The following SUCO variants were observed in gnomAD, a reference collection of about 807,000 sequenced individuals.
SUCO encodes SUN domain-containing ossification factor.
SUCO carries 57 observed loss-of-function variants against 148.1 expected under a neutral mutation model. That is an observed-to-expected ratio of 0.38 (90% CI 0.31 to 0.48). The LOEUF is 0.48. Among genes scored for constraint, SUCO ranks in the 20% least tolerant of loss-of-function variants. The pLI is 0.96. For synonymous variants in SUCO, 470 were observed against 502.7 expected, an observed-to-expected ratio of 0.93 and a Z score of 0.87; for missense variants, 1,331 against 1,468.2, an observed-to-expected ratio of 0.91 and a Z score of 1.53.
chr1:172,610,070 T>C lies in SUCO; in HGVS notation c.3576T>C (p.Ser1192=). 6.2e-7 allele frequency: 1 copy of C among 1,613,818 alleles called. No individual in the cohort carries two copies. The highest frequency in any genetic ancestry group is 1.1e-5 in the South Asian group (1 of 91,066). The part of the protein sequence containing the change: ...SACTSLCNGQ[S]QKTKTEKRAL... ...GCACAAGTCTGTGCAATGGACAGTC[T>C]CAAAAGACAAAAACTGAGAAGAGGG... is the stretch of plus-strand genomic sequence containing the variant. The change falls in exon 24 of 24, where the codon TCT becomes TCC. Residue 1192 remains serine, a synonymous_variant. Coordinates refer to ENST00000263688, the MANE Select transcript of SUCO (RefSeq NM_014283.5).
upstream of SUCO, chr1:172,533,122 A>C: frequency 6.9e-7 from 1 of 1,439,608 alleles, no homozygotes; most frequent in South Asian, 1.5e-5. Context: ...GGCCTCACGG[A>C]GCAAGGCCCC....
chr1:172,549,224 GGTA>G (rs1315277290), intron 1 of SUCO, among the ~76,000 whole-genome samples: 1 of 151,614 alleles, frequency 6.6e-6, no homozygotes, highest in Non-Finnish European at 1.5e-5. Flanking sequence ...GTACTTACTG[GGTA>G]ATCTTACATG....
chr1:172,534,577 T>C (rs1651875041), intron 1 of SUCO, among the ~76,000 whole-genome samples: 1 of 152,230 alleles, frequency 6.6e-6, no homozygotes, highest in Non-Finnish European at 1.5e-5. Context: ...GGGATTTTTA[T>C]TGGAAGAATG....
chr1:172,600,724 G>C (rs1657454444), intron 20 of SUCO, among the ~76,000 whole-genome samples: 1 of 129,914 alleles, frequency 7.7e-6, no homozygotes, highest in Non-Finnish European at 1.7e-5. Flanking sequence ...GTGTGTGTGT[G>C]TGTGTGTAGG....
At chr1:172,586,158 C>CT (rs1372070631) in intron 17 of SUCO, among the ~76,000 whole-genome samples, 2 of 149,392 alleles carry the variant, frequency 1.3e-5, no homozygotes, top group Admixed American at 1.3e-4. Flanking sequence ...TCAGATCAAA[C>CT]TTTTTTTGGG....
chr1:172,564,634 T>A (rs58481917), intron 6 of SUCO, among the ~76,000 whole-genome samples: 5,114 of 151,902 alleles, frequency 0.034, 257 homozygotes, highest in African/African-American at 0.12. Flanking sequence ...AATTACCCAA[T>A]CTCAGGTTGT....
At position 172,610,877 on chromosome 1, in the gene SUCO, G is replaced by A. The variant is rs1658172512; in HGVS notation, c.*618G>A. The A allele has an allele frequency of 6.6e-6, 1 of 152,462 alleles. No homozygotes were observed. The highest frequency in any genetic ancestry group is 1.5e-5 in the Non-Finnish European group (1 of 68,002). 9.4% of individuals were successfully genotyped at this position (152,462 alleles called of 1,614,324 possible). ...TTTAAGTCTGTTCTGTTAGGTAGATGGTGATGCTCTTGTTATTTTCACTTA... is the reference window on the plus strand; with the variant it reads ...TTTAAGTCTGTTCTGTTAGGTAGATAGTGATGCTCTTGTTATTTTCACTTA... On this transcript the variant is annotated 3_prime_UTR_variant, in exon 24 of 24. Transcript: ENST00000263688.
intron 6 of SUCO, among the ~76,000 whole-genome samples, chr1:172,559,518 C>T (rs889240466): frequency 3.3e-5 from 5 of 152,224 alleles, no homozygotes; most frequent in African/African-American, 1.2e-4. Flanking sequence ...TGGTATTAAA[C>T]AGCGACTTTA....
chr1:172,543,593 A>T lies in SUCO; in HGVS notation c.63-7919A>T, dbSNP rs72727516. On this transcript the variant is annotated intron_variant, in intron 1 of 23. Transcript: ENST00000263688. The stretch of plus-strand genomic sequence containing the variant: ...TGAAATTATGGGCCAGTTTAGTGAA[A>T]CAATTTTCTAATAGAATTTGATATG... 3.8e-3 allele frequency among the ~76,000 whole-genome samples: 574 copies of T among 152,292 alleles called. 4 individuals carry two copies. Among genetic ancestry groups the T allele is most frequent in the Middle Eastern group, 0.014 (4 of 294 alleles).
intron 9 of SUCO, among the ~76,000 whole-genome samples, chr1:172,572,246 G>C (rs550596467): frequency 8.2e-4 from 124 of 151,210 alleles, no homozygotes; most frequent in African/African-American, 2.9e-3. Context: ...TGGTGGTTTT[G>C]TGGAATAGAA....
intron 19 of SUCO, chr1:172,599,399 T>C: frequency 1.3e-6 from 1 of 787,360 alleles, no homozygotes; most frequent in Non-Finnish European, 1.5e-6. Flanking sequence ...GATTGTGATG[T>C]AGAATTCCCT....
Position 172,578,392 on chromosome 1 carries a change from A to G in SUCO, c.1432+3A>G. 1 of 1,607,484 alleles carries G rather than the reference A, an allele frequency of 6.2e-7. No individual in the cohort carries two copies. The highest frequency in any genetic ancestry group is 8.5e-7 in the Non-Finnish European group (1 of 1,174,636). On this transcript the variant is annotated splice_donor_region_variant and intron_variant, in intron 14 of 23. Coordinates refer to ENST00000263688, the MANE Select transcript of SUCO (RefSeq NM_014283.5). The stretch of plus-strand genomic sequence containing the variant: ...GGAACTATTTGATGAGGACTATGGT[A>G]AGTGACATCAAACAGATGACTGTTA...
Position 172,602,163 on chromosome 1 carries a change from G to T in SUCO, c.3118G>T (p.Asp1040Tyr). ...MQRCRNTSQF[D>Y]GDYISKLPKS... is the part of the protein sequence containing the mutation. The stretch of plus-strand genomic sequence containing the variant: ...GCGTTGTCGAAATACTTCTCAATTT[G>T]ATGGAGATTATATTTCAAAACTTCC... The change falls in exon 21 of 24, where the codon GAT (aspartate) becomes TAT (tyrosine). Residue 1040 changes from aspartate (D) to tyrosine (Y), a missense_variant. By Grantham distance (160) the Asp-to-Tyr change is radical. This residue lies in a region of SUCO where 334 missense variants were observed against 352.3 expected (regional missense o/e 0.95). Transcript: ENST00000263688. 6.2e-7 allele frequency: 1 copy of T among 1,613,626 alleles called. No individual in the cohort carries two copies. The highest frequency in any genetic ancestry group is 8.5e-7 in the Non-Finnish European group (1 of 1,179,812).
chr1:172,581,082 A>G (rs1194566206), intron 15 of SUCO, among the ~76,000 whole-genome samples: 1 of 152,212 alleles, frequency 6.6e-6, no homozygotes, highest in Non-Finnish European at 1.5e-5. Context: ...CCTGGGGGAC[A>G]GAGTGAGACT....
rs1381828705 is a variant in SUCO, at chr1:172,575,407, G to A, written c.1158-111G>A. On this transcript the variant is annotated intron_variant, in intron 10 of 23. Coordinates refer to ENST00000263688, the MANE Select transcript of SUCO (RefSeq NM_014283.5). ...ATGTATTTATGTATTAAACTGTTAAGTCAGCGTGTTCACCTGGAAAGGAAA... is the reference window on the plus strand; with the variant it reads ...ATGTATTTATGTATTAAACTGTTAAATCAGCGTGTTCACCTGGAAAGGAAA... 10 of 667,476 alleles carry A rather than the reference G, an allele frequency of 1.5e-5. No homozygotes were observed. In the Admixed American group the frequency reaches 2.3e-4, roughly 15 times the overall value. 41.3% of individuals were successfully genotyped at this position (667,476 alleles called of 1,614,324 possible). A position where few individuals can be genotyped will look rare whatever the true frequency, so the allele number is the denominator to read the frequency against.
chr1:172,583,946 ATCC>A (rs923684204), intron 15 of SUCO, among the ~76,000 whole-genome samples: 29 of 152,214 alleles, frequency 1.9e-4, no homozygotes, highest in Non-Finnish European at 4.4e-5. Flanking sequence ...TCATGTAAAT[ATCC>A]TCCTTCAAAA....
chr1:172,594,500 A>G (rs969962653), intron 19 of SUCO, among the ~76,000 whole-genome samples: 1 of 152,208 alleles, frequency 6.6e-6, no homozygotes, highest in Admixed American at 6.5e-5. Context: ...CATTGGTTTC[A>G]AAGAACATCT....
intron 22 of SUCO, among the ~76,000 whole-genome samples, chr1:172,606,242 G>A (rs1226832307): frequency 6.6e-6 from 1 of 150,436 alleles, no homozygotes; most frequent in Non-Finnish European, 1.5e-5. Flanking sequence ...GGTATGTAAG[G>A]TTTATAAAAA....
At chr1:172,581,614 T>C (rs1253611190) in intron 15 of SUCO, among the ~76,000 whole-genome samples, 3 of 152,188 alleles carry the variant, frequency 2.0e-5, no homozygotes, top group Admixed American at 2.0e-4. Context: ...GTAGTTCTGA[T>C]TCAAAGAACT....
Sources: allele counts gnomAD v4.1 joint callset (sites outside exome capture counted in the v4.1 genomes callset), GRCh38; gene constraint gnomAD v4.1.1; regional missense constraint gnomAD v4.1.1; transcripts MANE v1.5; gene names NCBI Gene and HGNC (gene_info 2026-07-23, HGNC 2026-07-21).